The following TGFB1I1 variants were observed in gnomAD, a reference collection of about 807,000 sequenced individuals.
The protein encoded by TGFB1I1 is transforming growth factor beta-1-induced transcript 1 protein.
In TGFB1I1, 33 loss-of-function variants were observed where a neutral mutation model predicts 52.0. That is an observed-to-expected ratio of 0.63 (90% CI 0.48 to 0.85). The LOEUF (loss-of-function observed/expected upper bound fraction) is 0.85, where lower values mean the gene tolerates loss of function less well. Among genes scored for constraint, TGFB1I1 ranks in the 40% least tolerant of loss-of-function variants. The pLI is 0.00. For synonymous variants in TGFB1I1, 236 were observed against 253.3 expected (o/e 0.93, Z 0.65); for missense variants, 577 against 614.9 (o/e 0.94, Z 0.65).
Position 31,477,522 on chromosome 16 carries a change from G to A in TGFB1I1, c.1332G>A (p.Gln444=), listed in dbSNP as rs1414445373. 5.6e-6 allele frequency: 9 copies of A among 1,609,820 alleles called. No individual in the cohort carries two copies. Among genetic ancestry groups the A allele is most frequent in the South Asian group, 3.3e-5 (3 of 90,566 alleles). The stretch of plus-strand genomic sequence containing the variant: ...GCCCGCTCACCAAGGGGTCCTTCCA[G>A]GAGCGCGCCGGCAAGCCCTACTGCC... ...CLRPLTKGSF[Q]ERAGKPYCQP... Residue 444 remains glutamine, a synonymous_variant, in exon 11 of 11, where the codon CAG becomes CAA. Transcript: ENST00000394863. The surrounding 1 kb of genome is among the most constrained non-coding windows in gnomAD (Gnocchi z 4.7).
At position 31,477,561 on chromosome 16, in the gene TGFB1I1, G is replaced by A. The variant is rs1209797616; in HGVS notation, c.1371G>A (p.Leu457=). ...AGKPYCQPCF[L]KLFG Reference sequence around the variant, plus strand: ...AGCCCTACTGCCAGCCCTGCTTCCTGAAGCTCTTCGGCTGACAGCCCGCTC... The same window carrying A: ...AGCCCTACTGCCAGCCCTGCTTCCTAAAGCTCTTCGGCTGACAGCCCGCTC... Residue 457 remains leucine, a synonymous_variant, in exon 11 of 11, where the codon CTG becomes CTA. Coordinates refer to ENST00000394863, the MANE Select transcript of TGFB1I1 (RefSeq NM_001042454.3). This position sits in a 1 kb window ranked among gnomAD's most constrained non-coding sequence, Gnocchi z 4.7. 1.2e-6 allele frequency: 2 copies of A among 1,606,338 alleles called. No homozygotes were observed. The highest frequency in any genetic ancestry group is 1.7e-5 in the Admixed American group (1 of 59,458).
intron 1 of TGFB1I1, 188 bp from the exon 2 acceptor site, chr16:31,473,253 G>C: frequency 7.1e-7 from 1 of 1,404,730 alleles, no homozygotes; most frequent in Non-Finnish European, 9.2e-7. Flanking sequence ...CTCCAAGCGT[G>C]AGCAACTGGG....
At chr16:31,475,920 C>T in intron 7 of TGFB1I1, 92 bp from the exon 8 acceptor site, 4 of 1,350,546 alleles carry the variant, frequency 3.0e-6, no homozygotes, top group Non-Finnish European at 4.1e-6. Context: ...TCTGATCGCT[C>T]AGAGAGGACT....
rs1010368812 is a variant in TGFB1I1 at position 31,477,250 on chromosome 16, C to G, written c.1120-60C>G. On this transcript the variant is annotated intron_variant, in intron 10 of 10. Coordinates refer to ENST00000394863, the MANE Select transcript of TGFB1I1 (RefSeq NM_001042454.3). This position sits in a 1 kb window ranked among gnomAD's most constrained non-coding sequence, Gnocchi z 4.7. ...CCCAGGGCGTTATCCGCTAGTAACG[C>G]GCGTTGTCTGGCAGTGGCCGCTGAC... 1 of 1,550,636 alleles carries G rather than the reference C, an allele frequency of 6.4e-7. No homozygotes were observed. Among genetic ancestry groups the G allele is most frequent in the Non-Finnish European group, 8.7e-7 (1 of 1,144,098 alleles).
In TGFB1I1 at chr16:31,476,943, GC is replaced by G; in HGVS notation, c.1056del (p.Ile353SerfsTer60). On this transcript the variant is annotated frameshift_variant, in exon 10 of 11. Transcript: ENST00000394863. LOFTEE classifies it high-confidence loss of function. This position sits in a 1 kb window ranked among gnomAD's most constrained non-coding sequence, Gnocchi z 7.6. ...LFAPRCQGCQ[G>X]PILDNYISAL... ...GCCCCGCGCTGCCAGGGCTGCCAGG[GC>G]CCCATCCTGGATAACTACATCTCGG... 1 of 1,604,714 alleles carries G rather than the reference GC, an allele frequency of 6.2e-7. No homozygotes were observed.
rs747017716 is a variant in TGFB1I1, at chr16:31,476,853, C to T, written c.971-9C>T. The T allele has an allele frequency of 8.6e-5, 138 of 1,611,802 alleles. No homozygotes were observed. Among genetic ancestry groups the T allele is most frequent in the Non-Finnish European group, 1.1e-4 (135 of 1,179,858 alleles). ...CTTTGCTTTCAGCCCACTCGGTTCC[C>T]TCTCCTAGGTTTCCACGAGCGCGAG... On this transcript the variant is annotated splice_polypyrimidine_tract_variant and intron_variant, in intron 9 of 10. Coordinates refer to ENST00000394863, the MANE Select transcript of TGFB1I1 (RefSeq NM_001042454.3). The surrounding 1 kb of genome is among the most constrained non-coding windows in gnomAD (Gnocchi z 7.6).
chr16:31,475,999 C>G lies in TGFB1I1; in HGVS notation c.715-13C>G. On this transcript the variant is annotated splice_polypyrimidine_tract_variant and intron_variant, in intron 7 of 10. Transcript: ENST00000394863. The stretch of plus-strand genomic sequence containing the variant: ...TCAGAGCCGCTCTGACCCGCCTCAC[C>G]TCCCACTCGCAGGTGGTGACGGCTC... 1.2e-6 allele frequency: 2 copies of G among 1,608,358 alleles called. No individual in the cohort carries two copies. Among genetic ancestry groups the G allele is most frequent in the Non-Finnish European group, 1.7e-6 (2 of 1,178,236 alleles).
At position 31,476,317 on chromosome 16, in the gene TGFB1I1, C is replaced by G; in HGVS notation, c.888+132C>G. ...CCTACCCCTTCCCCTTGGCAATGTC[C>G]ACGGCCCCTTGGACTCCACTCTTCC... On this transcript the variant is annotated intron_variant, in intron 8 of 10. Coordinates refer to ENST00000394863, the MANE Select transcript of TGFB1I1 (RefSeq NM_001042454.3). The surrounding 1 kb of genome is among the most constrained non-coding windows in gnomAD (Gnocchi z 7.6). The G allele has an allele frequency of 7.4e-7, 1 of 1,345,758 alleles. No individual in the cohort carries two copies. Among genetic ancestry groups the G allele is most frequent in the Non-Finnish European group, 1.0e-6 (1 of 988,170 alleles). 83.4% of individuals were successfully genotyped at this position (1,345,758 alleles called of 1,614,324 possible). A position where few individuals can be genotyped will look rare whatever the true frequency, so the allele number is the denominator to read the frequency against.
Position 31,476,739 on chromosome 16 carries a change from C to T in TGFB1I1, c.971-123C>T, listed in dbSNP as rs574038991. The T allele has an allele frequency of 2.1e-5, 32 of 1,517,268 alleles. No homozygotes were observed. In the South Asian group the frequency reaches 3.1e-4, roughly 15 times the overall value. 94.0% of individuals were successfully genotyped at this position (1,517,268 alleles called of 1,614,324 possible). ...CTCCCCGCTCTGTCCCGCCATAGACCCGGCTCCTCCTTCCCCAAGGCTCCC... is the reference window on the plus strand; with the variant it reads ...CTCCCCGCTCTGTCCCGCCATAGACTCGGCTCCTCCTTCCCCAAGGCTCCC... On this transcript the variant is annotated intron_variant, in intron 9 of 10. Transcript: ENST00000394863. The surrounding 1 kb of genome is among the most constrained non-coding windows in gnomAD (Gnocchi z 7.6).
At chr16:31,475,941 C>A in intron 7 of TGFB1I1, 71 bp from the exon 8 acceptor site, 2 of 1,505,518 alleles carry the variant, frequency 1.3e-6, no homozygotes, top group African/African-American at 2.8e-5. Context: ...CGAAAAACGC[C>A]GCGTAAATCT....
intron 2 of TGFB1I1, 56 bp from the exon 3 acceptor site, chr16:31,473,626 C>T (rs952850106): frequency 1.9e-6 from 3 of 1,602,078 alleles, no homozygotes; most frequent in Non-Finnish European, 2.6e-6. Flanking sequence ...GGGATCTCAG[C>T]CTCAGTGGGG....
chr16:31,474,315 G>A lies in TGFB1I1; in HGVS notation c.414-35G>A, dbSNP rs1354886788. The A allele has an allele frequency of 6.2e-7, 1 of 1,613,934 alleles. No individual in the cohort carries two copies. The highest frequency in any genetic ancestry group is 1.1e-5 in the South Asian group (1 of 91,080). ...GTCACTAGAGGGAGCGTTGCTCTGGGAGGCTCTGAGATGACACAAGCATGT... is the reference window on the plus strand; with the variant it reads ...GTCACTAGAGGGAGCGTTGCTCTGGAAGGCTCTGAGATGACACAAGCATGT... On this transcript the variant is annotated intron_variant, in intron 5 of 10. Coordinates refer to ENST00000394863, the MANE Select transcript of TGFB1I1 (RefSeq NM_001042454.3). The surrounding 1 kb of genome is among the most constrained non-coding windows in gnomAD (Gnocchi z 4.2).
chr16:31,477,693 C>T lies in TGFB1I1; in HGVS notation c.*117C>T. Reference sequence around the variant, plus strand: ...AGGCCCCACCCACTGGAGAGCCCCGCCCCTAAGGTACTATGAGTCCTCAGG... The same window carrying T: ...AGGCCCCACCCACTGGAGAGCCCCGTCCCTAAGGTACTATGAGTCCTCAGG... On this transcript the variant is annotated 3_prime_UTR_variant, in exon 11 of 11. Coordinates refer to ENST00000394863, the MANE Select transcript of TGFB1I1 (RefSeq NM_001042454.3). The surrounding 1 kb of genome is among the most constrained non-coding windows in gnomAD (Gnocchi z 4.7). 7.4e-7 allele frequency: 1 copy of T among 1,350,010 alleles called. No individual in the cohort carries two copies. The allele number at this position is 1,350,010 out of a possible 1,614,324, so 83.6% of individuals were successfully genotyped here.
At position 31,477,847 on chromosome 16, in the gene TGFB1I1, A is replaced by G; in HGVS notation, c.*271A>G. 1 of 505,164 alleles carries G rather than the reference A, an allele frequency of 2.0e-6. No individual in the cohort carries two copies. The highest frequency in any genetic ancestry group is 3.5e-6 in the Non-Finnish European group (1 of 288,742). The allele number at this position is 505,164 out of a possible 1,614,324, so 31.3% of individuals were successfully genotyped here. On this transcript the variant is annotated 3_prime_UTR_variant, in exon 11 of 11. Coordinates refer to ENST00000394863, the MANE Select transcript of TGFB1I1 (RefSeq NM_001042454.3). The surrounding 1 kb of genome is among the most constrained non-coding windows in gnomAD (Gnocchi z 4.7). ...CTTGAGGGAGCCCCCTTACTGGGGGAGGGTCCTTGCAATTCCAGCGAATCG... is the reference window on the plus strand; with the variant it reads ...CTTGAGGGAGCCCCCTTACTGGGGGGGGGTCCTTGCAATTCCAGCGAATCG...
rs2142601242 is a variant in TGFB1I1 at position 31,477,423 on chromosome 16, T to C, written c.1233T>C (p.Pro411=). 4.4e-6 allele frequency: 7 copies of C among 1,604,158 alleles called. No homozygotes were observed. The highest frequency in any genetic ancestry group is 2.3e-5 in the East Asian group (1 of 44,338). The change falls in exon 11 of 11, where the codon CCT becomes CCC. Residue 411 remains proline (P), a synonymous_variant. Coordinates refer to ENST00000394863, the MANE Select transcript of TGFB1I1 (RefSeq NM_001042454.3). This position sits in a 1 kb window ranked among gnomAD's most constrained non-coding sequence, Gnocchi z 4.7. ...CGCTGTGCGCCACGTGTGGCCTCCC[T>C]GTGACCGGCCGCTGCGTGTCGGCCC... The part of the protein sequence containing the change: ...RGSLCATCGL[P]VTGRCVSALG...
Position 31,476,778 on chromosome 16 carries a change from C to G in TGFB1I1, c.971-84C>G. The G allele has an allele frequency of 6.3e-7, 1 of 1,581,934 alleles. No homozygotes were observed. Among genetic ancestry groups the G allele is most frequent in the Non-Finnish European group, 8.6e-7 (1 of 1,166,170 alleles). On this transcript the variant is annotated intron_variant, in intron 9 of 10. Coordinates refer to ENST00000394863, the MANE Select transcript of TGFB1I1 (RefSeq NM_001042454.3). The surrounding 1 kb of genome is among the most constrained non-coding windows in gnomAD (Gnocchi z 7.6). ...CCCAAGGCTCCCTCGGACTGCCCCT[C>G]CTTCGGCCCCAGATCTCAGGTCTTG...
intron 7 of TGFB1I1, 166 bp from the exon 8 acceptor site, chr16:31,475,846 G>A (rs374723945): frequency 4.1e-6 from 3 of 727,478 alleles, no homozygotes. Flanking sequence ...GCTGGAAGAC[G>A]GAACACGGGA....
At position 31,474,832 on chromosome 16, in the gene TGFB1I1, T is replaced by C. The variant is rs1229417343; in HGVS notation, c.714+75T>C. 4 of 1,391,262 alleles carry C rather than the reference T, an allele frequency of 2.9e-6. No individual in the cohort carries two copies. The East Asian group carries it at 9.8e-5, about 34-fold the overall frequency. The allele number at this position is 1,391,262 out of a possible 1,614,324, so 86.2% of individuals were successfully genotyped here. A position where few individuals can be genotyped will look rare whatever the true frequency, so the allele number is the denominator to read the frequency against. On this transcript the variant is annotated intron_variant, in intron 7 of 10. Transcript: ENST00000394863. The surrounding 1 kb of genome is among the most constrained non-coding windows in gnomAD (Gnocchi z 4.2). ...CTTTAGTGAGAGCTGGGCTTTATGC[T>C]GTTCCCTTTTAGTAAGTTAATCTGG...
In TGFB1I1 at chr16:31,476,433, GGC is replaced by G; in HGVS notation, c.889-44_889-43del. ...ACCCGGGTTCCGCGCGGGAGAGGAA[GGC>G]GCGAAGGCACGGAGGCCGCGCTGAG... On this transcript the variant is annotated intron_variant, in intron 8 of 10. Transcript: ENST00000394863. This position sits in a 1 kb window ranked among gnomAD's most constrained non-coding sequence, Gnocchi z 7.6. 6.4e-7 allele frequency: 1 copy of G among 1,568,222 alleles called. No homozygotes were observed. The highest frequency in any genetic ancestry group is 8.7e-7 in the Non-Finnish European group (1 of 1,149,742).
Sources: gnomAD v4.1 joint callset for allele counts on GRCh38, gnomAD v4.1.1 for gene constraint, Gnocchi (gnomAD v3.1) non-coding constraint, MANE v1.5 for transcripts, NCBI Gene and HGNC (gene_info 2026-07-23, HGNC 2026-07-21) for gene names.